The following CDH18 variants were observed in gnomAD, a reference collection of about 807,000 sequenced individuals.
CDH18 encodes cadherin 18.
A neutral mutation model predicts 67.9 loss-of-function variants in CDH18; 31 were observed. The ratio of observed to expected loss-of-function variants is 0.46; its 90% confidence interval spans 0.34 to 0.62. The LOEUF (loss-of-function observed/expected upper bound fraction) is 0.62. Ranked by LOEUF, CDH18 falls within the 20% of genes least tolerant of loss-of-function variation. CDH18 has a pLI of 0.01. For synonymous variants in CDH18, 362 were observed against 347.2 expected (o/e 1.04, Z -0.48); for missense variants, 890 against 975.5 (o/e 0.91, Z 1.17).
At chr5:20,293,898 G>A (rs537996904) in intron 1 of CDH18, among the ~76,000 whole-genome samples, 1 of 152,248 alleles carries the variant, frequency 6.6e-6, no homozygotes, top group South Asian at 2.1e-4. Context: ...GGATAGAAGT[G>A]TACTGTTGGT....
chr5:20,212,359 G>T (rs1740420650), intron 2 of CDH18, among the ~76,000 whole-genome samples: 1 of 152,104 alleles, frequency 6.6e-6, no homozygotes, highest in African/African-American at 2.4e-5. Context: ...CACTCTTCAG[G>T]ATGTTATCCA....
chr5:20,172,210 A>ATATATATATGTATATATATATATATG (rs1554098734), intron 2 of CDH18, among the ~76,000 whole-genome samples: 1 of 67,470 alleles, frequency 1.5e-5, no homozygotes, highest in African/African-American at 7.0e-5. Flanking sequence ...ATATATATAT[A>ATATATATATGTATATATATATATATG]TATATATATA....
At chr5:20,380,272 A>T (rs958021365) in intron 1 of CDH18, among the ~76,000 whole-genome samples, 1 of 152,190 alleles carries the variant, frequency 6.6e-6, no homozygotes, top group Non-Finnish European at 1.5e-5. Flanking sequence ...AAGTATCTAT[A>T]GTTATATGAC....
intron 1 of CDH18, among the ~76,000 whole-genome samples, chr5:20,360,612 C>T (rs549314650): frequency 1.3e-5 from 2 of 152,118 alleles, no homozygotes; most frequent in Non-Finnish European, 2.9e-5. Context: ...CAAGCAATAG[C>T]CTAAAGCCTG....
At chr5:20,428,166 A>C (rs1160712382) in intron 1 of CDH18, among the ~76,000 whole-genome samples, 1 of 150,138 alleles carries the variant, frequency 6.7e-6, no homozygotes, top group Admixed American at 6.6e-5. Context: ...TCATTGCTCA[A>C]CTCCCACTTA....
intron 2 of CDH18, among the ~76,000 whole-genome samples, chr5:20,126,861 GAA>G (rs1748875201): frequency 6.6e-6 from 1 of 152,136 alleles, no homozygotes; most frequent in Non-Finnish European, 1.5e-5. Flanking sequence ...CTTTTGATGA[GAA>G]TGTAAAATGG....
intron 1 of CDH18, among the ~76,000 whole-genome samples, chr5:20,400,228 AC>A (rs1341554727): frequency 6.6e-6 from 1 of 152,086 alleles, no homozygotes; most frequent in Non-Finnish European, 1.5e-5. Flanking sequence ...AAGAATGTTC[AC>A]AGACCCTTTG....
chr5:19,552,649 A>T (rs1393279374), intron 8 of CDH18, among the ~76,000 whole-genome samples: 20 of 152,196 alleles, frequency 1.3e-4, no homozygotes. Context: ...TTGTATGATC[A>T]ATGATCAATA....
Position 20,238,982 on chromosome 5 carries a change from A to G in CDH18, c.-518+16462T>C, listed in dbSNP as rs145031092. ...TTGATAGATACATGCTAAGAAAACT[A>G]TGCTCCAATTAAACTGTGGTATACT... On this transcript the variant is annotated intron_variant, in intron 2 of 14. Coordinates refer to the CDH18 transcript ENST00000507958. Among the ~76,000 whole-genome samples, 351 of 152,302 alleles carry G rather than the reference A, an allele frequency of 2.3e-3. 2 individuals carry two copies. The highest frequency in any genetic ancestry group is 0.014 in the South Asian group (68 of 4,826).
chr5:19,937,961 C>CTATATATATATA (rs369843082), intron 2 of CDH18, among the ~76,000 whole-genome samples: 9 of 144,402 alleles, frequency 6.2e-5, no homozygotes, highest in African/African-American at 2.0e-4. Context: ...AATATATTTG[C>CTATATATATATA]TATATATATA....
chr5:19,847,786 A>G (rs978517281), intron 2 of CDH18, among the ~76,000 whole-genome samples: 3 of 49,232 alleles, frequency 6.1e-5, no homozygotes, highest in Non-Finnish European at 2.6e-4. Context: ...CTCTGTAGAC[A>G]TGTCTTTTGA....
intron 2 of CDH18, among the ~76,000 whole-genome samples, chr5:20,072,212 A>G (rs1333971894): frequency 6.6e-6 from 1 of 152,078 alleles, no homozygotes; most frequent in Admixed American, 6.6e-5. Context: ...TTGAGTTGAG[A>G]TGTAAATATC....
At chr5:20,342,870 T>G (rs991618822) in intron 1 of CDH18, among the ~76,000 whole-genome samples, 1 of 152,144 alleles carries the variant, frequency 6.6e-6, no homozygotes, top group African/African-American at 2.4e-5. Flanking sequence ...ATTCAAAGGC[T>G]TAGAGAGATT....
intron 1 of CDH18, among the ~76,000 whole-genome samples, chr5:20,447,072 C>T (rs967372654): frequency 6.6e-6 from 1 of 152,080 alleles, no homozygotes; most frequent in Non-Finnish European, 1.5e-5. Context: ...TAACATTTAA[C>T]TTTGTTACTC....
At chr5:20,386,102 A>T (rs1289991287) in intron 1 of CDH18, among the ~76,000 whole-genome samples, 1 of 152,196 alleles carries the variant, frequency 6.6e-6, no homozygotes, top group Non-Finnish European at 1.5e-5. Context: ...CTTTTCATGC[A>T]TTCATCCTCA....
rs151295093 is a variant in CDH18 at position 19,642,909 on chromosome 5, C to T, written c.644-30308G>A. Among the ~76,000 whole-genome samples, 770 of 151,972 alleles carry T rather than the reference C, an allele frequency of 5.1e-3. 4 individuals are homozygous for T. The highest frequency in any genetic ancestry group is 0.018 in the African/African-American group (743 of 41,486). On this transcript the variant is annotated intron_variant, in intron 5 of 12. Coordinates refer to ENST00000382275, the MANE Select transcript of CDH18 (RefSeq NM_004934.5). ...CTTAGGGAATGTGAGAAAATATCTG[C>T]AAACTATATATCTGATAAAAGGTTA...
At chr5:20,138,200 C>G (rs1749905529) in intron 2 of CDH18, among the ~76,000 whole-genome samples, 1 of 151,626 alleles carries the variant, frequency 6.6e-6, no homozygotes, top group South Asian at 2.1e-4. Context: ...ATAAACAGAA[C>G]CAAAGAAAAA....
At chr5:20,373,044 T>C (rs116145248) in intron 1 of CDH18, among the ~76,000 whole-genome samples, 4,399 of 152,256 alleles carry the variant, frequency 0.029, 140 homozygotes, top group Admixed American at 0.1. Context: ...CATATTGTTA[T>C]TGTTGATATT....
chr5:20,309,786 A>G (rs1736826858), intron 1 of CDH18, among the ~76,000 whole-genome samples: 1 of 152,244 alleles, frequency 6.6e-6, no homozygotes, highest in Non-Finnish European at 1.5e-5. Flanking sequence ...TAAAATATGT[A>G]GTCAGTGTTT....
Sources: allele counts gnomAD v4.1 joint callset (sites outside exome capture counted in the v4.1 genomes callset), GRCh38; gene constraint gnomAD v4.1.1; transcripts MANE v1.5; gene names NCBI Gene and HGNC (gene_info 2026-07-23, HGNC 2026-07-21).